Variants in GAD2 observed in about 807,000 individuals in gnomAD.
The protein encoded by GAD2 is 65 kDa glutamic acid decarboxylase.
In GAD2, 22 loss-of-function variants were observed where a neutral mutation model predicts 80.1. That is an observed-to-expected ratio of 0.27 (90% CI 0.20 to 0.39). The LOEUF is 0.39. Ranked by LOEUF, GAD2 falls within the 10% of genes least tolerant of loss-of-function variation. GAD2 has a pLI of 1.00. For synonymous variants in GAD2, 274 were observed against 256.9 expected (o/e 1.07, Z -0.64); for missense variants, 624 against 738.4 (o/e 0.85, Z 1.80).
intron 8 of GAD2, among the ~76,000 whole-genome samples, chr10:26,256,539 A>C: frequency 6.6e-6 from 1 of 152,152 alleles, no homozygotes; most frequent in Non-Finnish European, 1.5e-5. Context: ...TTTAATCTGC[A>C]ATGTTTCCTC....
chr10:26,300,729 T>G, intron 15 of GAD2, 59 bp from the exon 16 acceptor site: 1 of 1,526,220 alleles, frequency 6.6e-7, no homozygotes, highest in Non-Finnish European at 9.0e-7. Flanking sequence ...TGTTGGGTTC[T>G]TTGACTCAGG....
chr10:26,283,701 C>T (rs1009812839), intron 12 of GAD2, among the ~76,000 whole-genome samples: 11 of 151,776 alleles, frequency 7.2e-5, no homozygotes, highest in Non-Finnish European at 8.8e-5. Context: ...ATTTGGTAAA[C>T]GTGGAAGAGG....
intron 8 of GAD2, among the ~76,000 whole-genome samples, chr10:26,250,877 C>CTTTTTTTT (rs1181428173): frequency 8.9e-6 from 1 of 112,952 alleles, no homozygotes; most frequent in Non-Finnish European, 1.8e-5. Flanking sequence ...GTTTTTTTTC[C>CTTTTTTTT]TTTTTTTTTT....
chr10:26,270,147 C>T (rs1845117892), intron 9 of GAD2, among the ~76,000 whole-genome samples: 1 of 152,180 alleles, frequency 6.6e-6, no homozygotes, highest in Non-Finnish European at 1.5e-5. Flanking sequence ...ATTATTTTAG[C>T]CGCTCCGTGC....
chr10:26,284,934 A>G (rs550384318), intron 12 of GAD2, among the ~76,000 whole-genome samples: 31 of 152,106 alleles, frequency 2.0e-4, no homozygotes, highest in Non-Finnish European at 4.3e-4. Context: ...AATAGGTCTG[A>G]TCCATTCAGC....
chr10:26,224,645 T>A lies in GAD2; in HGVS notation c.718T>A (p.Ser240Thr). 1 of 1,603,892 alleles carries A rather than the reference T, an allele frequency of 6.2e-7. No homozygotes were observed. Among genetic ancestry groups the A allele is most frequent in the South Asian group, 1.1e-5 (1 of 90,868 alleles). ...WPGGSGDGIF[S>T]PGGAISNMYA... ...AGGGGGCTCTGGCGATGGGATATTTTCTCCCGGTACATGATATTTCAACTT... is the reference window on the plus strand; with the variant it reads ...AGGGGGCTCTGGCGATGGGATATTTACTCCCGGTACATGATATTTCAACTT... The change falls in exon 6 of 16, where the codon TCT (serine) becomes ACT (threonine). Residue 240 changes from serine (S) to threonine (T), a missense_variant. By Grantham distance (58) the Ser-to-Thr change is moderately conservative. Coordinates refer to ENST00000376261, the MANE Select transcript of GAD2 (RefSeq NM_001134366.2).
chr10:26,245,023 G>A (rs910657866), intron 7 of GAD2, among the ~76,000 whole-genome samples: 11 of 151,772 alleles, frequency 7.2e-5, no homozygotes, highest in Non-Finnish European at 1.0e-4. Context: ...CATGGTGGTG[G>A]GCACCTGTAA....
intron 13 of GAD2, among the ~76,000 whole-genome samples, chr10:26,287,244 T>C (rs1385244283): frequency 4.6e-5 from 7 of 152,192 alleles, no homozygotes; most frequent in Admixed American, 3.3e-4. Context: ...ATTTGTCTCC[T>C]GTAGGAGATA....
intron 15 of GAD2, among the ~76,000 whole-genome samples, 163 bp from the exon 16 acceptor site, chr10:26,300,625 A>C (rs1454796538): frequency 6.6e-6 from 1 of 152,260 alleles, no homozygotes; most frequent in South Asian, 2.1e-4. Context: ...AGACTGTTCT[A>C]ATTCTCTGAT....
intron 7 of GAD2, among the ~76,000 whole-genome samples, chr10:26,240,086 C>T (rs755653861): frequency 7.6e-4 from 116 of 152,220 alleles, no homozygotes; most frequent in Non-Finnish European, 1.5e-3. Flanking sequence ...TTCCAGATGT[C>T]TTGTCCCAAT....
Position 26,217,984 on chromosome 10 carries a change from T to G in GAD2, c.279T>G (p.His93Gln). The G allele has an allele frequency of 1.2e-6, 2 of 1,609,692 alleles. No individual in the cohort carries two copies. The highest frequency in any genetic ancestry group is 1.7e-6 in the Non-Finnish European group (2 of 1,178,160). ...SKVDVNYAFL[H>Q]ATDLLPACDG... ...TGGATGTCAACTACGCGTTTCTCCA[T>G]GCAACAGGTAAAGACTCAGCGGGGA... The change falls in exon 3 of 16, where the codon CAT (histidine) becomes CAG (glutamine). Residue 93 changes from histidine (H) to glutamine (Q), a missense_variant. His to Gln is a conservative substitution (Grantham distance 24). Coordinates refer to ENST00000376261, the MANE Select transcript of GAD2 (RefSeq NM_001134366.2). The surrounding 1 kb of genome is among the most constrained non-coding windows in gnomAD (Gnocchi z 4.9).
chr10:26,244,169 C>T lies in GAD2; in HGVS notation c.841-1752C>T, dbSNP rs140698355. ...ACGGATCGTTAGGGAAATGCAAATC[C>T]GAAGCATAATGAGTTGCCATCTCTC... On this transcript the variant is annotated intron_variant, in intron 7 of 15. Transcript: ENST00000376261. 2.3e-4 allele frequency among the ~76,000 whole-genome samples: 35 copies of T among 152,226 alleles called. No homozygotes were observed. In the East Asian group the frequency reaches 6.2e-3, roughly 27 times the overall value.
intron 8 of GAD2, among the ~76,000 whole-genome samples, chr10:26,246,539 C>A (rs368333398): frequency 6.6e-6 from 1 of 152,190 alleles, no homozygotes; most frequent in African/African-American, 2.4e-5. Flanking sequence ...TTTAGAATGT[C>A]CACGTAAAGT....
At chr10:26,272,157 G>A (rs978696581) in intron 10 of GAD2, among the ~76,000 whole-genome samples, 6 of 152,162 alleles carry the variant, frequency 3.9e-5, no homozygotes, top group African/African-American at 1.2e-4. Flanking sequence ...AATCACCAAT[G>A]TTCTTTATCC....
intron 4 of GAD2, among the ~76,000 whole-genome samples, chr10:26,223,170 A>T (rs367544060): frequency 1.2e-4 from 18 of 152,236 alleles, no homozygotes; most frequent in African/African-American, 4.3e-4. Flanking sequence ...TCTTGTTGAT[A>T]AAACAGTGAT....
At chr10:26,293,380 G>T (rs574879430) in intron 15 of GAD2, among the ~76,000 whole-genome samples, 1 of 152,008 alleles carries the variant, frequency 6.6e-6, no homozygotes, top group South Asian at 2.1e-4. Flanking sequence ...GTTTCAATAT[G>T]TTGGCCAGGC....
chr10:26,238,675 C>G (rs1054916445), intron 7 of GAD2, among the ~76,000 whole-genome samples: 3 of 152,218 alleles, frequency 2.0e-5, no homozygotes, highest in African/African-American at 7.2e-5. Flanking sequence ...CACACAGTCT[C>G]TAAAAATGTG....
At chr10:26,260,147 G>A (rs1254701541) in intron 8 of GAD2, among the ~76,000 whole-genome samples, 3 of 152,008 alleles carry the variant, frequency 2.0e-5, no homozygotes, top group Admixed American at 6.6e-5. Flanking sequence ...TATTATGGAC[G>A]ACTTGCATGC....
At chr10:26,292,723 G>T in intron 14 of GAD2, 151 bp downstream of exon 14, 1 of 862,126 alleles carries the variant, frequency 1.2e-6, no homozygotes, top group South Asian at 1.6e-5. Flanking sequence ...CTGGAATAAA[G>T]ACGAAACTCT....
Sources: allele counts gnomAD v4.1 joint callset (sites outside exome capture counted in the v4.1 genomes callset), GRCh38; gene constraint gnomAD v4.1.1; non-coding constraint Gnocchi (gnomAD v3.1); transcripts MANE v1.5; gene names NCBI Gene and HGNC (gene_info 2026-07-23, HGNC 2026-07-21).